RABGAP1L: variants seen among roughly 807,000 people sequenced by gnomAD.
The protein encoded by RABGAP1L is rab GTPase-activating protein 1-like.
RABGAP1L carries 63 observed loss-of-function variants against 137.7 expected under a neutral mutation model. The ratio of observed to expected loss-of-function variants is 0.46; its 90% CI spans 0.37 to 0.56. The LOEUF is 0.56. Among genes scored for constraint, RABGAP1L ranks in the 20% least tolerant of loss-of-function variants. RABGAP1L has a pLI of 0.00. For synonymous variants in RABGAP1L, 431 were observed against 433.7 expected, an observed-to-expected ratio of 0.99 and a Z score of 0.08; for missense variants, 1,095 against 1,244.0, an observed-to-expected ratio of 0.88 and a Z score of 1.80.
intron 9 of RABGAP1L, among the ~76,000 whole-genome samples, chr1:174,278,314 G>A (rs1361292600): frequency 2.0e-5 from 3 of 152,276 alleles, no homozygotes; most frequent in African/African-American, 7.2e-5. Flanking sequence ...GCTGAGGCAG[G>A]AGAATTGCTT....
intron 13 of RABGAP1L, among the ~76,000 whole-genome samples, chr1:174,432,252 C>A (rs919570676): frequency 2.0e-5 from 3 of 152,126 alleles, no homozygotes; most frequent in Non-Finnish European, 2.9e-5. Context: ...AGGATAATAG[C>A]CTCTGGTCGC....
At chr1:174,957,147 G>A (rs1010085754) in intron 19 of RABGAP1L, among the ~76,000 whole-genome samples, 1 of 152,140 alleles carries the variant, frequency 6.6e-6, no homozygotes, top group African/African-American at 2.4e-5. Flanking sequence ...GCCTGTTTCT[G>A]TAAATTAAGT....
chr1:174,842,797 C>T (rs1404724543), intron 19 of RABGAP1L, among the ~76,000 whole-genome samples: 2 of 152,168 alleles, frequency 1.3e-5, no homozygotes, highest in African/African-American at 2.4e-5. Flanking sequence ...TCTCTCGTCT[C>T]TCAACTAGCA....
intron 11 of RABGAP1L, among the ~76,000 whole-genome samples, chr1:174,361,878 T>C (rs1456194934): frequency 6.6e-6 from 1 of 152,184 alleles, no homozygotes; most frequent in Admixed American, 6.5e-5. Context: ...TATTTAATCA[T>C]CCAGGTATTA....
intron 19 of RABGAP1L, among the ~76,000 whole-genome samples, chr1:174,817,186 AAT>A (rs1272129994): frequency 2.6e-5 from 4 of 152,172 alleles, no homozygotes; most frequent in African/African-American, 9.7e-5. Context: ...AGCTTTTTAA[AAT>A]ATGTTAGTTT....
At chr1:174,546,874 C>T (rs1188275439) in intron 13 of RABGAP1L, among the ~76,000 whole-genome samples, 1 of 150,740 alleles carries the variant, frequency 6.6e-6, no homozygotes, top group Non-Finnish European at 1.5e-5. Context: ...ACTGAAAATA[C>T]AAAAAATTAG....
intron 17 of RABGAP1L, among the ~76,000 whole-genome samples, chr1:174,712,693 GT>G (rs1220073910): frequency 6.6e-6 from 1 of 152,208 alleles, no homozygotes; most frequent in Non-Finnish European, 1.5e-5. Context: ...TCTCTAAGAA[GT>G]TTTCCCTGAT....
chr1:174,605,657 C>T, intron 13 of RABGAP1L, among the ~76,000 whole-genome samples: 1 of 152,200 alleles, frequency 6.6e-6, no homozygotes, highest in Non-Finnish European at 1.5e-5. Flanking sequence ...ATTTACTCAA[C>T]TTTAATTTTT....
intron 13 of RABGAP1L, among the ~76,000 whole-genome samples, chr1:174,587,950 G>A (rs1022607583): frequency 4.6e-5 from 7 of 152,046 alleles, no homozygotes; most frequent in South Asian, 2.1e-4. Context: ...TGCAACCTCC[G>A]CCTCCTGTGT....
intron 18 of RABGAP1L, among the ~76,000 whole-genome samples, chr1:174,802,885 G>C (rs1688884505): frequency 6.6e-6 from 1 of 152,124 alleles, no homozygotes; most frequent in South Asian, 2.1e-4. Context: ...AATCTGCACA[G>C]GACACTCCTA....
intron 13 of RABGAP1L, among the ~76,000 whole-genome samples, chr1:174,461,797 A>G (rs1381784920): frequency 1.3e-5 from 2 of 152,196 alleles, no homozygotes; most frequent in Admixed American, 6.5e-5. Flanking sequence ...CTATCATTTA[A>G]TATAGCTTCC....
intron 19 of RABGAP1L, among the ~76,000 whole-genome samples, chr1:174,941,777 C>T (rs1665926310): frequency 1.3e-5 from 2 of 152,238 alleles, no homozygotes; most frequent in Non-Finnish European, 2.9e-5. Context: ...TGCTTACATG[C>T]TATCTCTTCC....
intron 24 of RABGAP1L, among the ~76,000 whole-genome samples, chr1:174,986,372 C>A (rs1197270324): frequency 6.6e-6 from 1 of 152,196 alleles, no homozygotes; most frequent in Non-Finnish European, 1.5e-5. Context: ...TTCTAAGCAG[C>A]CTTTTTAGAA....
chr1:174,698,178 A>G (rs868518400), intron 15 of RABGAP1L, among the ~76,000 whole-genome samples: 7 of 152,234 alleles, frequency 4.6e-5, no homozygotes, highest in East Asian at 3.8e-4. Flanking sequence ...AGATGTTTGT[A>G]TAATAGTTAC....
intron 13 of RABGAP1L, among the ~76,000 whole-genome samples, chr1:174,618,815 G>A (rs900073308): frequency 2.0e-5 from 3 of 151,964 alleles, no homozygotes; most frequent in African/African-American, 7.2e-5. Flanking sequence ...GTTGAGAGAA[G>A]AAGGCTTCAG....
At chr1:174,321,701 A>G (rs1007726790) in intron 11 of RABGAP1L, among the ~76,000 whole-genome samples, 36 of 152,316 alleles carry the variant, frequency 2.4e-4, no homozygotes, top group African/African-American at 7.7e-4. Context: ...TTACCAAGCT[A>G]CTTTTCCATC....
chr1:174,300,738 G>C (rs1279654884), intron 10 of RABGAP1L, among the ~76,000 whole-genome samples: 6 of 151,388 alleles, frequency 4.0e-5, no homozygotes, highest in Admixed American at 3.9e-4. Flanking sequence ...ATGGTGGTGG[G>C]TGCCTGTAAT....
intron 13 of RABGAP1L, among the ~76,000 whole-genome samples, chr1:174,568,669 TTTTA>T (rs1479317706): frequency 1.3e-5 from 2 of 152,130 alleles, no homozygotes; most frequent in Admixed American, 6.6e-5. Context: ...GCCACTAAAG[TTTTA>T]TTTGAGAGAA....
At chr1:174,875,597 T>A in intron 19 of RABGAP1L, 1 of 985,378 alleles carries the variant, frequency 1.0e-6, no homozygotes. Context: ...CAAGAGGAAT[T>A]GCTTTCACAT....
Sources: allele counts gnomAD v4.1 joint callset (sites outside exome capture counted in the v4.1 genomes callset), GRCh38; gene constraint gnomAD v4.1.1; transcripts MANE v1.5; gene names NCBI Gene and HGNC (gene_info 2026-07-23, HGNC 2026-07-21).